Variants in PCDHA4 observed in about 807,000 individuals in gnomAD.
PCDHA4 encodes the protein protocadherin alpha 4, also known as protocadherin alpha-4.
Under a neutral mutation model 61.4 loss-of-function variants are expected in PCDHA4, and 49 were observed. The ratio of observed to expected loss-of-function variants is 0.80; its 90% CI spans 0.63 to 1.01. PCDHA4 has a LOEUF of 1.01. PCDHA4 is among the 50% of genes least tolerant of loss of function. PCDHA4 has a pLI of 0.00. For missense variants in PCDHA4, 1,254 were observed against 1,235.8 expected, an observed-to-expected ratio of 1.01 and a Z score of -0.22; for synonymous variants, 590 against 550.3, an observed-to-expected ratio of 1.07 and a Z score of -1.01.
At chr5:140,880,083 A>G (rs1453702460) in intron 1 of PCDHA4, among the ~76,000 whole-genome samples, 2 of 152,242 alleles carry the variant, frequency 1.3e-5, no homozygotes, top group African/African-American at 4.8e-5. Context: ...TCAACCTATT[A>G]TAGTAGGCTT....
In PCDHA4 at chr5:140,822,752, C is replaced by A. The variant is rs200831175; in HGVS notation, c.2385+13180C>A. The A allele has an allele frequency of 8.1e-5, 131 of 1,613,696 alleles. No individual in the cohort carries two copies. In the African/African-American group the frequency reaches 1.6e-3, roughly 20 times the overall value. ...AATATTGATGCCATGGATAAAAGTA[C>A]ATTCCCATTATCAGGACACTGTAAA... On this transcript the variant is annotated intron_variant, in intron 1 of 3. Coordinates refer to ENST00000530339, the MANE Select transcript of PCDHA4 (RefSeq NM_018907.4).
intron 2 of PCDHA4, among the ~76,000 whole-genome samples, chr5:140,980,956 C>T (rs2096912703): frequency 6.6e-6 from 1 of 152,110 alleles, no homozygotes; most frequent in Non-Finnish European, 1.5e-5. Flanking sequence ...AGGATAGTTA[C>T]ACCTTCATGA....
intron 1 of PCDHA4, chr5:140,881,309 G>C (rs535656328): frequency 1.0e-6 from 1 of 975,612 alleles, no homozygotes; most frequent in East Asian, 1.1e-4. Context: ...TTAACCTCCT[G>C]GTTAAATTCT....
intron 1 of PCDHA4, among the ~76,000 whole-genome samples, chr5:140,892,996 G>A (rs1014134688): frequency 2.0e-5 from 3 of 152,162 alleles, no homozygotes; most frequent in Admixed American, 1.3e-4. Flanking sequence ...GTGAGAACAT[G>A]TATTTATTTT....
intron 1 of PCDHA4, chr5:140,875,618 C>T (rs1554167806): frequency 3.1e-6 from 5 of 1,613,806 alleles, no homozygotes; most frequent in Non-Finnish European, 3.4e-6. Context: ...GGCCGCATCG[C>T]TCAGGACCTG....
At chr5:140,997,420 G>A (rs1300822693) in intron 3 of PCDHA4, among the ~76,000 whole-genome samples, 4 of 152,042 alleles carry the variant, frequency 2.6e-5, no homozygotes, top group African/African-American at 9.7e-5. Flanking sequence ...TTTCTCCTAG[G>A]CTACAAACCT....
intron 1 of PCDHA4, chr5:140,813,487 A>T (rs2126646878): frequency 6.6e-6 from 1 of 152,218 alleles, no homozygotes; most frequent in Non-Finnish European, 1.5e-5. Flanking sequence ...ATATCTAAAC[A>T]TCTAAAAGGT....
chr5:140,934,833 G>C (rs1584817572), intron 1 of PCDHA4, among the ~76,000 whole-genome samples: 1 of 152,100 alleles, frequency 6.6e-6, no homozygotes, highest in Admixed American at 6.5e-5. Context: ...GGCAAGTTGG[G>C]AACTGTTCAG....
At chr5:140,952,349 A>T (rs1554220373) in intron 1 of PCDHA4, among the ~76,000 whole-genome samples, 2 of 152,000 alleles carry the variant, frequency 1.3e-5, no homozygotes, top group African/African-American at 4.8e-5. Flanking sequence ...AAAAAAAAAA[A>T]AAAAAGAAAG....
intron 1 of PCDHA4, chr5:140,877,392 G>A: frequency 1.2e-6 from 2 of 1,613,970 alleles, no homozygotes; most frequent in Non-Finnish European, 1.7e-6. Flanking sequence ...TGGATGAGGC[G>A]GACGCTCCGC....
intron 1 of PCDHA4, chr5:140,929,563 G>A: frequency 2.1e-6 from 1 of 470,088 alleles, no homozygotes; most frequent in Non-Finnish European, 3.6e-6. Context: ...ACCTATTTAA[G>A]AACAATAAAA....
intron 1 of PCDHA4, chr5:140,814,309 C>G (rs1765483088): frequency 6.6e-6 from 1 of 152,072 alleles, no homozygotes; most frequent in Non-Finnish European, 1.5e-5. Flanking sequence ...TCATTGTCTT[C>G]CACCTCCATA....
At chr5:140,964,367 T>C (rs1269937571) in intron 1 of PCDHA4, among the ~76,000 whole-genome samples, 1 of 152,178 alleles carries the variant, frequency 6.6e-6, no homozygotes, top group Non-Finnish European at 1.5e-5. Context: ...ACAAGAGTGC[T>C]GAAAGGAGAG....
chr5:140,963,551 G>C (rs2095774327), intron 1 of PCDHA4, among the ~76,000 whole-genome samples: 1 of 152,158 alleles, frequency 6.6e-6, no homozygotes, highest in African/African-American at 2.4e-5. Flanking sequence ...GATATAAAAA[G>C]GGGCTGTTTT....
intron 1 of PCDHA4, 32 bp downstream of exon 1, chr5:140,809,604 C>A: frequency 6.6e-7 from 1 of 1,525,754 alleles, no homozygotes; most frequent in South Asian, 1.3e-5. Context: ...GTTTAATTTT[C>A]GTATTGTTTT....
chr5:140,875,452 C>G (rs370742022), intron 1 of PCDHA4: 1 of 1,592,452 alleles, frequency 6.3e-7, no homozygotes, highest in Non-Finnish European at 8.6e-7. Flanking sequence ...TGTCCCAACT[C>G]AGAGGCCCTC....
chr5:140,928,161 C>A, intron 1 of PCDHA4: 3 of 1,613,960 alleles, frequency 1.9e-6, no homozygotes, highest in East Asian at 2.2e-5. Context: ...GTGGCTCACC[C>A]CCACTTAGCA....
chr5:140,927,374 A>G (rs1026302775), intron 1 of PCDHA4: 5 of 1,614,100 alleles, frequency 3.1e-6, no homozygotes, highest in Non-Finnish European at 4.2e-6. Context: ...ATACTAAGCT[A>G]CAGCCTAAGC....
intron 1 of PCDHA4, chr5:140,848,530 A>G (rs2150412055): frequency 6.3e-7 from 1 of 1,594,630 alleles, no homozygotes; most frequent in Non-Finnish European, 8.6e-7. Context: ...CCAGAGGGTC[A>G]GCCTCTACTG....
Sources: allele counts gnomAD v4.1 joint callset (sites outside exome capture counted in the v4.1 genomes callset), GRCh38; gene constraint gnomAD v4.1.1; transcripts MANE v1.5; gene names NCBI Gene and HGNC (gene_info 2026-07-23, HGNC 2026-07-21).